The following RNF13 variants were observed in gnomAD, a reference collection of about 807,000 sequenced individuals.
RNF13 encodes E3 ubiquitin-protein ligase RNF13.
Under a neutral mutation model 37.7 loss-of-function variants are expected in RNF13, and 19 were observed. The observed-to-expected ratio is 0.50, with a 90% CI of 0.35 to 0.74. RNF13 has a LOEUF of 0.74. RNF13 is among the 30% of genes least tolerant of loss of function. The probability of loss-of-function intolerance (pLI) is 0.01; values close to 1 mark genes in which losing one functional copy is unlikely to be tolerated. For missense variants in RNF13, 375 were observed against 453.0 expected (o/e 0.83, Z 1.56); for synonymous variants, 144 against 157.8 (o/e 0.91, Z 0.65).
chr3:149,902,530 A>G (rs1415714492), intron 6 of RNF13, among the ~76,000 whole-genome samples: 2 of 152,128 alleles, frequency 1.3e-5, no homozygotes, highest in Admixed American at 1.3e-4. Flanking sequence ...TATATTATAA[A>G]CACAGAATCC....
Position 149,848,163 on chromosome 3 carries a change from T to C in RNF13, c.114+2023T>C, listed in dbSNP as rs190098508. 1.3e-4 allele frequency among the ~76,000 whole-genome samples: 20 copies of C among 152,272 alleles called. 1 individual carries two copies. Among genetic ancestry groups the C allele is most frequent in the Middle Eastern group, 3.4e-3 (1 of 294 alleles). On this transcript the variant is annotated intron_variant, in intron 2 of 9. Transcript: ENST00000392894. Reference sequence around the variant, plus strand: ...TACTTCATTCAGCCCCTTGAGAAGATACAAAACTACCTGAGCTGTATTTTT... The same window carrying C: ...TACTTCATTCAGCCCCTTGAGAAGACACAAAACTACCTGAGCTGTATTTTT...
intron 2 of RNF13, among the ~76,000 whole-genome samples, chr3:149,847,130 C>T (rs1027710801): frequency 6.6e-6 from 1 of 152,196 alleles, no homozygotes; most frequent in East Asian, 1.9e-4. Context: ...TATGTTCCAA[C>T]AACCCCATCA....
At chr3:149,939,736 C>T (rs1293931531) in intron 8 of RNF13, 5 of 683,768 alleles carry the variant, frequency 7.3e-6, no homozygotes, top group South Asian at 1.3e-5. Context: ...CTTTTGTTGA[C>T]AACTGAAAAG....
intron 7 of RNF13, among the ~76,000 whole-genome samples, chr3:149,914,938 C>CA (rs917486559): frequency 1.0e-3 from 136 of 131,842 alleles, no homozygotes; most frequent in Admixed American, 1.1e-3. Context: ...AACTCCATCT[C>CA]AAAAAAAAAA....
chr3:149,841,283 G>A (rs1722152888), intron 1 of RNF13, among the ~76,000 whole-genome samples: 1 of 152,144 alleles, frequency 6.6e-6, no homozygotes, highest in African/African-American at 2.4e-5. Flanking sequence ...CTGGAAAAGG[G>A]CAGATTTAAG....
intron 8 of RNF13, among the ~76,000 whole-genome samples, chr3:149,951,237 G>A (rs1721303511): frequency 6.6e-6 from 1 of 152,126 alleles, no homozygotes; most frequent in Non-Finnish European, 1.5e-5. Flanking sequence ...CTGCTAAGTT[G>A]TGACTCTTTG....
intron 8 of RNF13, among the ~76,000 whole-genome samples, chr3:149,959,639 T>C (rs4373022): frequency 0.12 from 18,592 of 152,194 alleles, 1,163 homozygotes; most frequent in African/African-American, 0.15. Flanking sequence ...TGTGACTCAT[T>C]TCAATTCTGT....
chr3:149,868,549 T>G (rs1336618298), intron 3 of RNF13, among the ~76,000 whole-genome samples: 1 of 151,378 alleles, frequency 6.6e-6, no homozygotes, highest in African/African-American at 2.4e-5. Flanking sequence ...CTGCTCCTCT[T>G]TATTCCGATC....
chr3:149,944,430 AC>A (rs1240980102), intron 8 of RNF13, among the ~76,000 whole-genome samples: 1 of 152,148 alleles, frequency 6.6e-6, no homozygotes, highest in Non-Finnish European at 1.5e-5. Flanking sequence ...TTACAGTCCC[AC>A]CAACAGAGTA....
intron 8 of RNF13, 56 bp from the exon 9 acceptor site, chr3:149,959,996 GACTA>G (rs1722222326): frequency 1.8e-6 from 2 of 1,091,098 alleles, no homozygotes; most frequent in Admixed American, 1.8e-5. Flanking sequence ...AGTAACTGAG[GACTA>G]ACTTGAAAAG....
At chr3:149,872,472 T>G (rs982738387) in intron 4 of RNF13, among the ~76,000 whole-genome samples, 1 of 152,226 alleles carries the variant, frequency 6.6e-6, no homozygotes, top group Admixed American at 6.5e-5. Flanking sequence ...TGTGTCTACA[T>G]TGTCATTGAG....
intron 8 of RNF13, among the ~76,000 whole-genome samples, chr3:149,958,504 G>A (rs1039116003): frequency 3.9e-5 from 6 of 152,136 alleles, no homozygotes; most frequent in Admixed American, 6.5e-5. Context: ...GGATAATACA[G>A]GCTGATCTCC....
At chr3:149,950,508 T>C (rs1446983791) in intron 8 of RNF13, among the ~76,000 whole-genome samples, 1 of 152,156 alleles carries the variant, frequency 6.6e-6, no homozygotes, top group Non-Finnish European at 1.5e-5. Context: ...AAGCTCTCAC[T>C]CTGGTACCTA....
rs1576583785 is a variant in RNF13 at position 149,946,005 on chromosome 3, A to G, written c.701-14051A>G. ...AAAAGCTGAAAATTCTAAAAATCAGAGCGCCTCTCCCCCTCCAAAGGAATG... is the reference window on the plus strand; with the variant it reads ...AAAAGCTGAAAATTCTAAAAATCAGGGCGCCTCTCCCCCTCCAAAGGAATG... On this transcript the variant is annotated intron_variant, in intron 8 of 9. Transcript: ENST00000392894. Among the ~76,000 whole-genome samples, 3 of 152,354 alleles carry G rather than the reference A, an allele frequency of 2.0e-5. No homozygotes were observed. In the South Asian group the frequency reaches 6.2e-4, roughly 32 times the overall value.
intron 3 of RNF13, among the ~76,000 whole-genome samples, chr3:149,860,689 C>T (rs1384446317): frequency 6.6e-6 from 1 of 152,126 alleles, no homozygotes; most frequent in Non-Finnish European, 1.5e-5. Flanking sequence ...GAAAACACTT[C>T]AGGGCATTGA....
chr3:149,941,530 GT>G (rs61171032), intron 8 of RNF13, among the ~76,000 whole-genome samples: 52 of 144,446 alleles, frequency 3.6e-4, no homozygotes, highest in South Asian at 1.6e-3. Flanking sequence ...TTTAAATTAG[GT>G]TTTTTTTTTT....
At chr3:149,865,329 G>GATATATATAT (rs3028509) in intron 3 of RNF13, among the ~76,000 whole-genome samples, 9,535 of 138,854 alleles carry the variant, frequency 0.069, 406 homozygotes, top group Middle Eastern at 0.12. Flanking sequence ...ATGTTTTGGT[G>GATATATATAT]ATATATATAT....
At chr3:149,923,459 T>A (rs938099014) in intron 8 of RNF13, among the ~76,000 whole-genome samples, 2 of 152,026 alleles carry the variant, frequency 1.3e-5, no homozygotes, top group Non-Finnish European at 2.9e-5. Flanking sequence ...GGCTTCATTT[T>A]GTGTGTTTAA....
chr3:149,910,438 T>C (rs1716878252), intron 6 of RNF13, among the ~76,000 whole-genome samples: 1 of 152,188 alleles, frequency 6.6e-6, no homozygotes, highest in Non-Finnish European at 1.5e-5. Flanking sequence ...TTTAAATTAT[T>C]GGGGTAAATT....
Sources: gnomAD v4.1 joint callset for allele counts (sites outside exome capture counted in the v4.1 genomes callset) on GRCh38, gnomAD v4.1.1 for gene constraint, MANE v1.5 for transcripts, NCBI Gene and HGNC (gene_info 2026-07-23, HGNC 2026-07-21) for gene names.